PARVG: variants seen among roughly 807,000 people sequenced by gnomAD.
PARVG encodes gamma-parvin.
PARVG carries 36 observed loss-of-function variants against 44.4 expected under a neutral mutation model. The observed-to-expected ratio is 0.81, with a 90% CI of 0.62 to 1.07. The LOEUF is 1.07. PARVG is among the 50% of genes least tolerant of loss of function. The pLI, the probability that PARVG is intolerant of heterozygous loss-of-function variation, is 0.00. For missense variants in PARVG, 407 were observed against 407.4 expected, an observed-to-expected ratio of 1.00 and a Z score of 0.01; for synonymous variants, 170 against 174.1, an observed-to-expected ratio of 0.98 and a Z score of 0.19.
intron 6 of PARVG, among the ~76,000 whole-genome samples, chr22:44,189,607 C>A (rs2054521260): frequency 1.3e-5 from 2 of 152,184 alleles, no homozygotes; most frequent in African/African-American, 4.8e-5. Flanking sequence ...ATCTGCAGGG[C>A]CTGCTTATAC....
chr22:44,183,382 C>T lies in PARVG; in HGVS notation c.53C>T (p.Pro18Leu). The T allele has an allele frequency of 6.2e-7, 1 of 1,608,026 alleles. No individual in the cohort carries two copies. Among genetic ancestry groups the T allele is most frequent in the Non-Finnish European group, 8.5e-7 (1 of 1,178,170 alleles). ...DLLQLPKGVE[P>L]PAEEELSKGG... ...CTGCAGCTCCCCAAGGGGGTGGAGC[C>T]CCCAGCGGAGGAGGAGCTCTCAAAA... Residue 18 changes from proline to leucine, a missense_variant, in exon 3 of 14, where the codon CCC becomes CTC. Transcript: ENST00000444313.
rs189817750 is a variant in PARVG at position 44,186,684 on chromosome 22, G to A, written c.144+812G>A. The A allele has an allele frequency of 1.1e-4, 50 of 470,690 alleles. No homozygotes were observed. In the East Asian group the frequency reaches 3.4e-3, roughly 32 times the overall value. The allele number at this position is 470,690 out of a possible 1,614,324, so 29.2% of individuals were successfully genotyped here. A position where few individuals can be genotyped will look rare whatever the true frequency, so the allele number is the denominator to read the frequency against. ...CGTCTCAGCTCGGTCTCCTCCACAG[G>A]CTGATCCAGAGACAAGGATTTGGAT... On this transcript the variant is annotated intron_variant, in intron 4 of 13. Coordinates refer to ENST00000444313, the MANE Select transcript of PARVG (RefSeq NM_022141.7).
At position 44,198,671 on chromosome 22, in the gene PARVG, C is replaced by T. The variant is rs1006936200; in HGVS notation, c.762C>T (p.Phe254=). ...LLLLIGQLEG[F]FLHLKEFYLT... ...TGCTGATTGGACAACTTGAAGGCTT[C>T]TTCCTGCACTTAAAGGAATTCTACC... The change falls in exon 12 of 14, where the codon TTC becomes TTT. Residue 254 remains phenylalanine, a synonymous_variant. Transcript: ENST00000444313. 1 of 1,613,954 alleles carries T rather than the reference C, an allele frequency of 6.2e-7. No individual in the cohort carries two copies. Among genetic ancestry groups the T allele is most frequent in the South Asian group, 1.1e-5 (1 of 91,078 alleles).
intron 12 of PARVG, among the ~76,000 whole-genome samples, chr22:44,201,721 G>T (rs1325450018): frequency 6.6e-6 from 1 of 152,208 alleles, no homozygotes; most frequent in Non-Finnish European, 1.5e-5. Context: ...AGACCGGCAG[G>T]TCGGCTGAGT....
In PARVG at chr22:44,182,038, G is replaced by A. The variant is rs866770378; in HGVS notation, c.-13+121G>A. 4.3e-5 allele frequency: 35 copies of A among 818,492 alleles called. No homozygotes were observed. The Admixed American group carries it at 1.1e-3, about 25-fold the overall frequency. 50.7% of individuals were successfully genotyped at this position (818,492 alleles called of 1,614,324 possible). ...CAGCCCAGGCCACCCGGGGAAGGGA[G>A]TCGGTAAAGTGGGACCTTGAGTCCC... On this transcript the variant is annotated intron_variant, in intron 2 of 13. Coordinates refer to ENST00000444313, the MANE Select transcript of PARVG (RefSeq NM_022141.7). This position sits in a 1 kb window ranked among gnomAD's most constrained non-coding sequence, Gnocchi z 4.6.
At chr22:44,203,243 T>C (rs2064260) in intron 12 of PARVG, among the ~76,000 whole-genome samples, 38,039 of 152,120 alleles carry the variant, frequency 0.25, 4,937 homozygotes, top group Middle Eastern at 0.31. Context: ...TAGCACATAG[T>C]AGATGACAAG....
chr22:44,205,186 A>G (rs1170968159), intron 12 of PARVG, among the ~76,000 whole-genome samples: 2 of 152,206 alleles, frequency 1.3e-5, no homozygotes, highest in Non-Finnish European at 2.9e-5. Context: ...TCCAGTCTCT[A>G]GCCTGCTTTG....
chr22:44,204,042 A>G (rs139175), intron 12 of PARVG, among the ~76,000 whole-genome samples: 71,828 of 152,002 alleles, frequency 0.47, 16,901 homozygotes, highest in African/African-American at 0.51. Flanking sequence ...ACAGGGTTTC[A>G]CCATGTTGGC....
At chr22:44,191,535 C>T (rs923203020) in intron 7 of PARVG, among the ~76,000 whole-genome samples, 1 of 151,462 alleles carries the variant, frequency 6.6e-6, no homozygotes, top group Non-Finnish European at 1.5e-5. Context: ...GTAGCTGGGA[C>T]TACAGATTTG....
intron 4 of PARVG, chr22:44,186,199 C>A: frequency 3.2e-6 from 1 of 308,352 alleles, no homozygotes; most frequent in Non-Finnish European, 6.5e-6. Context: ...CTGTCAGGGG[C>A]ACGCAGCTGC....
In PARVG at chr22:44,186,024, T is replaced by C. The variant is rs1253824566; in HGVS notation, c.144+152T>C. On this transcript the variant is annotated intron_variant, in intron 4 of 13. Transcript: ENST00000444313. ...GAAGACCCCTGGAAGGCCTGTTGAA[T>C]GGAGCAAGTCACCCACAGAGCCTGC... is the stretch of plus-strand genomic sequence containing the variant. 9.1e-6 allele frequency: 5 copies of C among 551,672 alleles called. No individual in the cohort carries two copies. In the East Asian group the frequency reaches 1.7e-4, roughly 19 times the overall value. 34.2% of individuals were successfully genotyped at this position (551,672 alleles called of 1,614,324 possible).
At position 44,188,754 on chromosome 22, in the gene PARVG, T is replaced by C. The variant is rs2054508981; in HGVS notation, c.248-360T>C. The C allele has an allele frequency of 1.1e-5, 3 of 262,320 alleles. No individual in the cohort carries two copies. The South Asian group carries it at 1.9e-4, about 16-fold the overall frequency. 16.2% of individuals were successfully genotyped at this position (262,320 alleles called of 1,614,324 possible). A position where few individuals can be genotyped will look rare whatever the true frequency, so the allele number is the denominator to read the frequency against. On this transcript the variant is annotated intron_variant, in intron 5 of 13. Coordinates refer to ENST00000444313, the MANE Select transcript of PARVG (RefSeq NM_022141.7). ...GCCTAGGAGTGTAGGCTTTAACCAC[T>C]AGGCCACACTGCCCTGCAGAGATGA...
chr22:44,198,549 C>A, intron 11 of PARVG, 72 bp from the exon 12 acceptor site: 1 of 1,165,828 alleles, frequency 8.6e-7, no homozygotes, highest in Non-Finnish European at 1.3e-6. Flanking sequence ...TAGGGCCACA[C>A]AGCCTGTAAA....
chr22:44,177,983 C>A (rs1485908673), upstream of PARVG, among the ~76,000 whole-genome samples: 3 of 152,164 alleles, frequency 2.0e-5, no homozygotes, highest in Admixed American at 2.0e-4. Context: ...TTTGGAGTTA[C>A]CTTTCCATCA....
Position 44,206,943 on chromosome 22 carries a change from C to A in PARVG, c.*517C>A. The A allele has an allele frequency of 6.3e-6, 1 of 159,588 alleles. No individual in the cohort carries two copies. 9.9% of individuals were successfully genotyped at this position (159,588 alleles called of 1,614,324 possible). A position where few individuals can be genotyped will look rare whatever the true frequency, so the allele number is the denominator to read the frequency against. On this transcript the variant is annotated 3_prime_UTR_variant, in exon 14 of 14. Coordinates refer to ENST00000444313, the MANE Select transcript of PARVG (RefSeq NM_022141.7). ...AATGGCTCCATAGCCATGCCCCCAC[C>A]CACCGGGAGAAGTGGATTCAGTGAC...
At chr22:44,195,437 G>A (rs191318305) in intron 9 of PARVG, among the ~76,000 whole-genome samples, 1 of 152,328 alleles carries the variant, frequency 6.6e-6, no homozygotes, top group African/African-American at 2.4e-5. Flanking sequence ...TGTATTTGGT[G>A]CCCAAGGACC....
intron 12 of PARVG, among the ~76,000 whole-genome samples, chr22:44,199,124 A>ACTGCCTACCTGTCCATCCACCTAC (rs2054670948): frequency 6.7e-6 from 1 of 149,550 alleles, no homozygotes; most frequent in African/African-American, 2.5e-5. Flanking sequence ...CATCCACCTA[A>ACTGCCTACCTGTCCATCCACCTAC]CTGCCTACCT....
intron 6 of PARVG, among the ~76,000 whole-genome samples, chr22:44,189,836 G>C (rs954874851): frequency 3.3e-5 from 5 of 152,202 alleles, no homozygotes; most frequent in African/African-American, 1.2e-4. Context: ...AGAATCGCTT[G>C]AACCTGGGAG....
chr22:44,177,323 T>G (rs2054328232), upstream of PARVG, among the ~76,000 whole-genome samples: 1 of 152,184 alleles, frequency 6.6e-6, no homozygotes, highest in Non-Finnish European at 1.5e-5. Flanking sequence ...AGTGAAGACA[T>G]TCTCTTCCAT....
Sources: allele counts gnomAD v4.1 joint callset (sites outside exome capture counted in the v4.1 genomes callset), GRCh38; gene constraint gnomAD v4.1.1; non-coding constraint Gnocchi (gnomAD v3.1); transcripts MANE v1.5; gene names NCBI Gene and HGNC (gene_info 2026-07-23, HGNC 2026-07-21).